TIAM1: variants seen among roughly 807,000 people sequenced by gnomAD.
TIAM1 encodes the protein TIAM Rac1 associated GEF 1.
In TIAM1, 65 loss-of-function variants were observed where a neutral mutation model predicts 163.5. The observed-to-expected ratio is 0.40, with a 90% CI of 0.33 to 0.49. The LOEUF is 0.49. TIAM1 is among the 20% of genes least tolerant of loss of function. The pLI, the probability that TIAM1 is intolerant of heterozygous loss-of-function variation, is 0.77. For missense variants in TIAM1, 1,789 were observed against 2,044.7 expected (o/e 0.87, Z 2.41); for synonymous variants, 833 against 810.1 (o/e 1.03, Z -0.48).
intron 2 of TIAM1, among the ~76,000 whole-genome samples, chr21:31,412,356 T>A (rs963462661): frequency 6.6e-6 from 1 of 152,010 alleles, no homozygotes; most frequent in Non-Finnish European, 1.5e-5. Context: ...TGGTACTCCA[T>A]AACAGCAGTC....
chr21:31,145,945 A>G (rs559333865), intron 20 of TIAM1, among the ~76,000 whole-genome samples: 27 of 152,334 alleles, frequency 1.8e-4, no homozygotes, highest in African/African-American at 5.8e-4. Context: ...GTGTCACTTA[A>G]AAGTCACAGT....
intron 6 of TIAM1, among the ~76,000 whole-genome samples, chr21:31,239,126 A>G (rs1235534189): frequency 1.4e-5 from 2 of 145,898 alleles, no homozygotes; most frequent in African/African-American, 2.5e-5. Context: ...CAGAAAAACA[A>G]TTTTTTTTTT....
At chr21:31,427,066 G>A (rs7275948) in intron 2 of TIAM1, among the ~76,000 whole-genome samples, 4,239 of 152,202 alleles carry the variant, frequency 0.028, 186 homozygotes, top group African/African-American at 0.095. Flanking sequence ...GACTACAGGT[G>A]TGTGCCACCA....
intron 7 of TIAM1, among the ~76,000 whole-genome samples, chr21:31,223,959 G>T (rs2146625738): frequency 6.6e-6 from 1 of 152,282 alleles, no homozygotes. Flanking sequence ...TTCATACAAA[G>T]AAAAGTGAGA....
intron 2 of TIAM1, among the ~76,000 whole-genome samples, chr21:31,316,013 A>G (rs571936069): frequency 6.6e-6 from 1 of 152,316 alleles, no homozygotes; most frequent in African/African-American, 2.4e-5. Flanking sequence ...ATCATCAACC[A>G]TGATGACCCT....
intron 2 of TIAM1, among the ~76,000 whole-genome samples, chr21:31,316,580 C>T (rs748771187): frequency 3.9e-5 from 6 of 152,134 alleles, no homozygotes; most frequent in Non-Finnish European, 7.4e-5. Flanking sequence ...GTGGTTTGAC[C>T]CTTATCGGAT....
At chr21:31,138,831 A>G (rs1047588652) in intron 22 of TIAM1, among the ~76,000 whole-genome samples, 2 of 152,140 alleles carry the variant, frequency 1.3e-5, no homozygotes, top group Non-Finnish European at 2.9e-5. Context: ...CTGGGGGTCT[A>G]TTTCCTGCTC....
intron 2 of TIAM1, among the ~76,000 whole-genome samples, chr21:31,386,520 A>G (rs2076874081): frequency 6.6e-6 from 1 of 152,178 alleles, no homozygotes; most frequent in Non-Finnish European, 1.5e-5. Flanking sequence ...GGAGACATGG[A>G]GGAACTGCCG....
intron 2 of TIAM1, among the ~76,000 whole-genome samples, chr21:31,357,878 A>C (rs2076342062): frequency 6.6e-6 from 1 of 152,214 alleles, no homozygotes; most frequent in Non-Finnish European, 1.5e-5. Flanking sequence ...AATTGCTTCC[A>C]AGACACCATA....
chr21:31,382,641 T>C lies in TIAM1; in HGVS notation c.-368-43219A>G, dbSNP rs574537175. Reference sequence around the variant, plus strand: ...AGCACACTGAATGAGAGGATTGAAGTACCTATGCTTTTTCTTTTGACAGTT... The same window carrying C: ...AGCACACTGAATGAGAGGATTGAAGCACCTATGCTTTTTCTTTTGACAGTT... On this transcript the variant is annotated intron_variant, in intron 2 of 28. Transcript: ENST00000286827. 2.6e-5 allele frequency among the ~76,000 whole-genome samples: 4 copies of C among 152,338 alleles called. No homozygotes were observed. In the South Asian group the frequency reaches 8.3e-4, roughly 32 times the overall value.
chr21:31,134,068 C>T (rs1401213539), intron 23 of TIAM1, among the ~76,000 whole-genome samples: 1 of 151,916 alleles, frequency 6.6e-6, no homozygotes, highest in Non-Finnish European at 1.5e-5. Flanking sequence ...CTCCATCCCC[C>T]CAGAAAAACC....
intron 5 of TIAM1, among the ~76,000 whole-genome samples, chr21:31,250,166 A>AAAAAAAG (rs2071719373): frequency 6.8e-6 from 1 of 147,652 alleles, no homozygotes; most frequent in African/African-American, 2.7e-5. Flanking sequence ...AAAAAAAAAA[A>AAAAAAAG]AAAAAGAAAA....
chr21:31,393,391 G>A (rs2077000282), intron 2 of TIAM1, among the ~76,000 whole-genome samples: 1 of 152,196 alleles, frequency 6.6e-6, no homozygotes, highest in African/African-American at 2.4e-5. Flanking sequence ...TTCTGAGGCT[G>A]CTTTTGAGGC....
chr21:31,501,167 C>T (rs894130986), intron 1 of TIAM1, among the ~76,000 whole-genome samples: 3 of 152,024 alleles, frequency 2.0e-5, no homozygotes, highest in African/African-American at 7.2e-5. Context: ...AAAGATACAG[C>T]GAAAGAAGGA....
intron 1 of TIAM1, among the ~76,000 whole-genome samples, chr21:31,487,809 G>A (rs982263012): frequency 1.3e-4 from 19 of 150,726 alleles, no homozygotes; most frequent in Non-Finnish European, 1.8e-4. Flanking sequence ...CACCCGCCTC[G>A]GCCTCCCAAA....
chr21:31,313,790 T>A (rs1453803645), intron 2 of TIAM1, among the ~76,000 whole-genome samples: 1 of 152,198 alleles, frequency 6.6e-6, no homozygotes, highest in Non-Finnish European at 1.5e-5. Flanking sequence ...TTGGCCAGGC[T>A]GATCTCAAAC....
chr21:31,180,960 TAGCAAGCCAAGCTTCAGAAAA>T (rs1394747340), intron 15 of TIAM1, among the ~76,000 whole-genome samples: 1 of 152,206 alleles, frequency 6.6e-6, no homozygotes, highest in Non-Finnish European at 1.5e-5. Flanking sequence ...CCAACTTCCT[TAGCAAGCCAAGCTTCAGAAAA>T]TGATTTGAAA....
intron 6 of TIAM1, among the ~76,000 whole-genome samples, chr21:31,228,983 A>G (rs774914176): frequency 2.7e-4 from 41 of 152,210 alleles, no homozygotes; most frequent in Non-Finnish European, 5.0e-4. Flanking sequence ...AACAGTATGG[A>G]GGTAACCGCC....
intron 1 of TIAM1, among the ~76,000 whole-genome samples, chr21:31,537,923 C>T (rs2048192028): frequency 1.3e-5 from 2 of 152,130 alleles, no homozygotes; most frequent in African/African-American, 4.8e-5. Flanking sequence ...AACTTAAAAA[C>T]AATGTTTTGG....
Sources: gnomAD v4.1 joint callset for allele counts (sites outside exome capture counted in the v4.1 genomes callset) on GRCh38, gnomAD v4.1.1 for gene constraint, MANE v1.5 for transcripts, NCBI Gene and HGNC (gene_info 2026-07-23, HGNC 2026-07-21) for gene names.